EXOC6B: variants seen among roughly 807,000 people sequenced by gnomAD.
EXOC6B encodes SEC15 homolog B.
EXOC6B carries 54 observed loss-of-function variants against 113.5 expected under a neutral mutation model. The ratio of observed to expected loss-of-function variants is 0.48; its 90% CI spans 0.38 to 0.60. EXOC6B has a LOEUF of 0.60. Among genes scored for constraint, EXOC6B ranks in the 20% least tolerant of loss-of-function variants. The pLI is 0.00. For missense variants in EXOC6B, 797 were observed against 977.5 expected, an observed-to-expected ratio of 0.82 and a Z score of 2.46; for synonymous variants, 357 against 339.0, an observed-to-expected ratio of 1.05 and a Z score of -0.58.
intron 19 of EXOC6B, among the ~76,000 whole-genome samples, chr2:72,365,296 G>C (rs1690553058): frequency 6.6e-6 from 1 of 151,592 alleles, no homozygotes; most frequent in Non-Finnish European, 1.5e-5. Flanking sequence ...TCTGCTACTG[G>C]TTATGATAAA....
At chr2:72,303,199 A>AT (rs1373320323) in intron 20 of EXOC6B, among the ~76,000 whole-genome samples, 1 of 152,048 alleles carries the variant, frequency 6.6e-6, no homozygotes, top group East Asian at 1.9e-4. Context: ...TGTTAGCCTG[A>AT]TGGGGTTCCC....
intron 19 of EXOC6B, among the ~76,000 whole-genome samples, chr2:72,350,716 G>A (rs1242670121): frequency 6.6e-6 from 1 of 152,180 alleles, no homozygotes; most frequent in Non-Finnish European, 1.5e-5. Context: ...GGAAGCATTA[G>A]GCATTTGAAC....
At chr2:72,417,245 G>A (rs1231915530) in intron 18 of EXOC6B, among the ~76,000 whole-genome samples, 1 of 152,150 alleles carries the variant, frequency 6.6e-6, no homozygotes, top group Non-Finnish European at 1.5e-5. Flanking sequence ...CCAGGCTGGA[G>A]TGCAATGGCG....
intron 6 of EXOC6B, among the ~76,000 whole-genome samples, chr2:72,657,003 C>A (rs1350673130): frequency 2.0e-5 from 3 of 151,960 alleles, no homozygotes; most frequent in Admixed American, 2.0e-4. Context: ...AGGCATGCAC[C>A]ACCATGCCCA....
chr2:72,762,896 A>G (rs749842263), intron 1 of EXOC6B, among the ~76,000 whole-genome samples: 2 of 152,162 alleles, frequency 1.3e-5, no homozygotes, highest in African/African-American at 2.4e-5. Flanking sequence ...TAACTCAAAG[A>G]TCAATGGGTG....
At chr2:72,468,538 T>G (rs182648561) in intron 17 of EXOC6B, among the ~76,000 whole-genome samples, 39 of 152,310 alleles carry the variant, frequency 2.6e-4, no homozygotes, top group African/African-American at 9.4e-4. Flanking sequence ...CTATCTTGAT[T>G]ATTATAACGT....
intron 20 of EXOC6B, among the ~76,000 whole-genome samples, chr2:72,263,633 G>C (rs966066585): frequency 1.3e-5 from 2 of 152,130 alleles, no homozygotes; most frequent in African/African-American, 4.8e-5. Flanking sequence ...TGGAAGGAGA[G>C]GTTGAATAAA....
intron 6 of EXOC6B, among the ~76,000 whole-genome samples, chr2:72,704,466 AT>A (rs1295257220): frequency 6.8e-6 from 1 of 147,900 alleles, no homozygotes; most frequent in Non-Finnish European, 1.5e-5. Context: ...AAGGCAAGAA[AT>A]AACTAAAATC....
intron 18 of EXOC6B, chr2:72,462,093 C>T (rs1264128399): frequency 6.6e-6 from 1 of 152,078 alleles, no homozygotes; most frequent in Non-Finnish European, 1.5e-5. Flanking sequence ...GAATGAAATA[C>T]TCCCATCCTG....
chr2:72,750,635 G>A (rs904517450), intron 1 of EXOC6B, among the ~76,000 whole-genome samples: 3 of 152,106 alleles, frequency 2.0e-5, no homozygotes, highest in African/African-American at 7.2e-5. Context: ...CTCTGGGTGA[G>A]GGAAGGAGAA....
At position 72,529,138 on chromosome 2, in the gene EXOC6B, AACCATTTGG is replaced by A. The variant is rs746615869; in HGVS notation, c.916-14021_916-14013del. Among the ~76,000 whole-genome samples the A allele has an allele frequency of 8.6e-4, 131 of 152,300 alleles. 1 individual carries two copies. The highest frequency in any genetic ancestry group is 1.5e-3 in the Non-Finnish European group (100 of 67,996). On this transcript the variant is annotated intron_variant, in intron 8 of 21. Coordinates refer to ENST00000272427, the MANE Select transcript of EXOC6B (RefSeq NM_015189.3). ...TGCTTTGCTCCTAATTTTAGGGGGAAACCATTTGGACTTTCACCCCTAAATATAAAGCTA... is the reference window on the plus strand; with the variant it reads ...TGCTTTGCTCCTAATTTTAGGGGGAAACTTTCACCCCTAAATATAAAGCTA...
At chr2:72,448,405 T>C (rs942168360) in intron 18 of EXOC6B, among the ~76,000 whole-genome samples, 1 of 152,218 alleles carries the variant, frequency 6.6e-6, no homozygotes, top group Admixed American at 6.5e-5. Context: ...AATCAACTTA[T>C]AATATAGGTA....
intron 6 of EXOC6B, among the ~76,000 whole-genome samples, chr2:72,630,021 T>G (rs746723642): frequency 1.3e-5 from 2 of 152,212 alleles, no homozygotes; most frequent in Non-Finnish European, 2.9e-5. Context: ...TAATTTCTTC[T>G]TGTCCTTAAT....
intron 18 of EXOC6B, among the ~76,000 whole-genome samples, chr2:72,394,050 A>G (rs1478189217): frequency 1.3e-5 from 2 of 152,232 alleles, no homozygotes; most frequent in African/African-American, 4.8e-5. Flanking sequence ...CAGAATTATT[A>G]TAATAGCTAA....
At chr2:72,371,990 C>T (rs1313683803) in intron 19 of EXOC6B, among the ~76,000 whole-genome samples, 1 of 152,150 alleles carries the variant, frequency 6.6e-6, no homozygotes, top group Admixed American at 6.5e-5. Flanking sequence ...AATACAGAAT[C>T]AGCACACAAA....
At chr2:72,322,768 G>A (rs1572911739) in intron 20 of EXOC6B, among the ~76,000 whole-genome samples, 2 of 152,186 alleles carry the variant, frequency 1.3e-5, no homozygotes, top group Middle Eastern at 6.8e-3. Flanking sequence ...AAATGGTGTT[G>A]GGAAAACTGG....
In EXOC6B at chr2:72,402,762, T is replaced by A. The variant is rs79233491; in HGVS notation, c.1981-22892A>T. Reference sequence around the variant, plus strand: ...TAATATAAGGCAGTAACTCTGGAACTCAGATCCCCCTTTCAATGGGGTTTG... The same window carrying A: ...TAATATAAGGCAGTAACTCTGGAACACAGATCCCCCTTTCAATGGGGTTTG... On this transcript the variant is annotated intron_variant, in intron 18 of 21. Coordinates refer to ENST00000272427, the MANE Select transcript of EXOC6B (RefSeq NM_015189.3). Among the ~76,000 whole-genome samples, 1,057 of 152,316 alleles carry A rather than the reference T, an allele frequency of 6.9e-3. 13 individuals are homozygous for A. The highest frequency in any genetic ancestry group is 0.024 in the African/African-American group (1,006 of 41,562).
At chr2:72,812,520 G>C (rs1323941715) in intron 1 of EXOC6B, among the ~76,000 whole-genome samples, 1 of 152,066 alleles carries the variant, frequency 6.6e-6, no homozygotes, top group African/African-American at 2.4e-5. Context: ...ATGTAGAAAA[G>C]ATTATTCTAA....
intron 8 of EXOC6B, among the ~76,000 whole-genome samples, chr2:72,518,807 T>C (rs1347453421): frequency 1.3e-5 from 2 of 152,140 alleles, no homozygotes; most frequent in African/African-American, 4.8e-5. Flanking sequence ...ATAAGAGTTT[T>C]AGATATTTTG....
Sources: allele counts gnomAD v4.1 joint callset (sites outside exome capture counted in the v4.1 genomes callset), GRCh38; gene constraint gnomAD v4.1.1; transcripts MANE v1.5; gene names NCBI Gene and HGNC (gene_info 2026-07-23, HGNC 2026-07-21).